SFMBT2: variants seen among roughly 807,000 people sequenced by gnomAD.
SFMBT2 encodes the protein Scm like with four mbt domains 2.
A neutral mutation model predicts 110.1 loss-of-function variants in SFMBT2; 38 were observed. The ratio of observed to expected loss-of-function variants is 0.35; its 90% confidence interval spans 0.27 to 0.45. The LOEUF (loss-of-function observed/expected upper bound fraction) is 0.45. Among genes scored for constraint, SFMBT2 ranks in the 20% least tolerant of loss-of-function variants. The pLI is 1.00. For synonymous variants in SFMBT2, 425 were observed against 425.4 expected (o/e 1.00, Z 0.01); for missense variants, 1,011 against 1,094.9 (o/e 0.92, Z 1.08).
At chr10:7,397,853 C>G (rs1254525029) in intron 1 of SFMBT2, among the ~76,000 whole-genome samples, 1 of 152,232 alleles carries the variant, frequency 6.6e-6, no homozygotes, top group East Asian at 1.9e-4. Context: ...CTAATAATAT[C>G]TGACTAAGTA....
rs560439211 is a variant in SFMBT2 at position 7,299,880 on chromosome 10, C to T, written c.437-13926G>A. Among the ~76,000 whole-genome samples the T allele has an allele frequency of 7.2e-5, 11 of 152,118 alleles. No homozygotes were observed. The South Asian group carries it at 1.9e-3, about 26-fold the overall frequency. ...TTTATTGCAGCAGTATTTACTATAG[C>T]GAAGACATGGAGCCAACCCAAATAC... On this transcript the variant is annotated intron_variant, in intron 4 of 20. Coordinates refer to ENST00000397167, the MANE Select transcript of SFMBT2 (RefSeq NM_001387889.1).
chr10:7,326,809 C>T (rs1450227513), intron 4 of SFMBT2, among the ~76,000 whole-genome samples: 2 of 152,160 alleles, frequency 1.3e-5, no homozygotes, highest in African/African-American at 4.8e-5. Context: ...CATTTCAAGT[C>T]AAGCCTTTGT....
intron 4 of SFMBT2, among the ~76,000 whole-genome samples, chr10:7,358,348 C>T (rs1226415939): frequency 6.6e-6 from 1 of 151,578 alleles, no homozygotes; most frequent in Admixed American, 6.6e-5. Context: ...GGCCCTGTGA[C>T]ATCAACATGG....
chr10:7,375,459 A>AT (rs1451087713), intron 2 of SFMBT2, among the ~76,000 whole-genome samples: 1 of 152,138 alleles, frequency 6.6e-6, no homozygotes, highest in African/African-American at 2.4e-5. Context: ...TAGATGCTAG[A>AT]TATTTTTTTT....
chr10:7,381,962 A>C lies in SFMBT2; in HGVS notation c.-51-13T>G. On this transcript the variant is annotated splice_polypyrimidine_tract_variant and intron_variant, in intron 1 of 20. Coordinates refer to ENST00000397167, the MANE Select transcript of SFMBT2 (RefSeq NM_001387889.1). ...CAGAAAAAATTACCTAAGAGCAATC[A>C]AAAAAAAAAAAATCAGAGCAGTTTA... 2.2e-6 allele frequency: 1 copy of C among 455,692 alleles called. No individual in the cohort carries two copies. The highest frequency in any genetic ancestry group is 3.1e-6 in the Non-Finnish European group (1 of 323,910). 28.2% of individuals were successfully genotyped at this position (455,692 alleles called of 1,614,324 possible). A position where few individuals can be genotyped will look rare whatever the true frequency, so the allele number is the denominator to read the frequency against.
At chr10:7,200,550 G>A in intron 13 of SFMBT2, 66 bp from the exon 14 acceptor site, 1 of 1,334,506 alleles carries the variant, frequency 7.5e-7, no homozygotes, top group African/African-American at 1.5e-5. Flanking sequence ...ACATTCCAAA[G>A]TCTTACCATA....
chr10:7,268,910 T>A, intron 7 of SFMBT2, among the ~76,000 whole-genome samples: 1 of 152,242 alleles, frequency 6.6e-6, no homozygotes, highest in East Asian at 1.9e-4. Flanking sequence ...TGCAGAGACA[T>A]CTGCTCTAAA....
intron 7 of SFMBT2, among the ~76,000 whole-genome samples, chr10:7,252,311 C>T (rs2692771): frequency 0.26 from 39,049 of 152,108 alleles, 5,341 homozygotes; most frequent in South Asian, 0.43. Context: ...GTGGCTGCCG[C>T]TGCTTGGAAA....
chr10:7,307,920 A>G (rs1382598232), intron 4 of SFMBT2, among the ~76,000 whole-genome samples: 1 of 152,228 alleles, frequency 6.6e-6, no homozygotes, highest in Non-Finnish European at 1.5e-5. Context: ...ATAATATCAC[A>G]TATCTGTTCC....
chr10:7,296,045 T>C (rs1428577511), intron 4 of SFMBT2, among the ~76,000 whole-genome samples: 1 of 152,230 alleles, frequency 6.6e-6, no homozygotes, highest in Non-Finnish European at 1.5e-5. Context: ...CACACCACTC[T>C]GCAAGGTATC....
intron 4 of SFMBT2, among the ~76,000 whole-genome samples, chr10:7,295,900 A>G (rs1842395069): frequency 6.6e-6 from 1 of 152,246 alleles, no homozygotes; most frequent in Admixed American, 6.5e-5. Flanking sequence ...ACTACACAAC[A>G]GGACTTTAAT....
At chr10:7,218,040 TAGAA>T (rs1191684632) in intron 11 of SFMBT2, among the ~76,000 whole-genome samples, 4 of 152,236 alleles carry the variant, frequency 2.6e-5, no homozygotes, top group Non-Finnish European at 5.9e-5. Context: ...AGATATTAAC[TAGAA>T]AGAATTATTT....
At chr10:7,332,452 T>A (rs541013149) in intron 4 of SFMBT2, among the ~76,000 whole-genome samples, 9 of 152,226 alleles carry the variant, frequency 5.9e-5, no homozygotes, top group Non-Finnish European at 1.3e-4. Context: ...TTGCCTTAAC[T>A]GGGGAGGGAA....
At chr10:7,177,723 G>A (rs997034454) in intron 16 of SFMBT2, among the ~76,000 whole-genome samples, 3 of 152,026 alleles carry the variant, frequency 2.0e-5, no homozygotes, top group Non-Finnish European at 2.9e-5. Context: ...AAAACTATGG[G>A]CACGGTGGGG....
chr10:7,399,839 G>A (rs1335291101), intron 1 of SFMBT2, among the ~76,000 whole-genome samples: 1 of 152,180 alleles, frequency 6.6e-6, no homozygotes, highest in Non-Finnish European at 1.5e-5. Context: ...AGGGAAGGTA[G>A]GTTTCCACTC....
intron 4 of SFMBT2, among the ~76,000 whole-genome samples, chr10:7,312,015 G>A (rs1842870443): frequency 1.3e-5 from 2 of 152,220 alleles, no homozygotes; most frequent in South Asian, 4.2e-4. Flanking sequence ...CTCATAGGTG[G>A]GAATTGAACA....
intron 15 of SFMBT2, among the ~76,000 whole-genome samples, chr10:7,196,041 C>A (rs1390268214): frequency 6.6e-6 from 1 of 152,118 alleles, no homozygotes. Flanking sequence ...AGAGAAAATG[C>A]CCTCTGACTT....
intron 4 of SFMBT2, among the ~76,000 whole-genome samples, chr10:7,344,468 C>G (rs1844038272): frequency 6.6e-6 from 1 of 152,174 alleles, no homozygotes; most frequent in Non-Finnish European, 1.5e-5. Flanking sequence ...CTTTCTCCTC[C>G]TTTGCCTTCT....
chr10:7,351,114 A>G (rs182412266), intron 4 of SFMBT2, among the ~76,000 whole-genome samples: 6 of 152,284 alleles, frequency 3.9e-5, no homozygotes, highest in African/African-American at 1.4e-4. Context: ...TGCTTCCAAC[A>G]TGTGCTGGGC....
Sources: allele counts gnomAD v4.1 joint callset (sites outside exome capture counted in the v4.1 genomes callset), GRCh38; gene constraint gnomAD v4.1.1; transcripts MANE v1.5; gene names NCBI Gene and HGNC (gene_info 2026-07-23, HGNC 2026-07-21).